The following HS2ST1 variants were observed in gnomAD, a reference collection of about 807,000 sequenced individuals.
The protein encoded by HS2ST1 is 2-O-sulfotransferase.
In HS2ST1, 18 loss-of-function variants were observed where a neutral mutation model predicts 42.9. The ratio of observed to expected loss-of-function variants is 0.42; its 90% CI spans 0.29 to 0.62. The LOEUF (loss-of-function observed/expected upper bound fraction) is 0.62, where lower values mean the gene tolerates loss of function less well. HS2ST1 is among the 20% of genes least tolerant of loss of function. HS2ST1 has a pLI of 0.21. For missense variants in HS2ST1, 334 were observed against 433.8 expected (o/e 0.77, Z 2.04); for synonymous variants, 146 against 152.9 (o/e 0.95, Z 0.33).
intron 3 of HS2ST1, among the ~76,000 whole-genome samples, chr1:87,087,691 C>T (rs960970859): frequency 6.6e-6 from 1 of 152,120 alleles, no homozygotes; most frequent in Non-Finnish European, 1.5e-5. Context: ...AACCAGTTGA[C>T]GTTTGCCCCA....
chr1:87,073,428 G>C (rs1315399200), intron 2 of HS2ST1, among the ~76,000 whole-genome samples: 1 of 152,140 alleles, frequency 6.6e-6, no homozygotes, highest in Non-Finnish European at 1.5e-5. Context: ...TGAGAAAACT[G>C]ATGTTCCTGA....
chr1:86,936,462 A>T (rs1420738884), intron 1 of HS2ST1, among the ~76,000 whole-genome samples: 2 of 152,178 alleles, frequency 1.3e-5, no homozygotes, highest in African/African-American at 4.8e-5. Flanking sequence ...AATATCTGAC[A>T]TTAAAATTAA....
intron 1 of HS2ST1, among the ~76,000 whole-genome samples, chr1:87,068,853 T>C (rs1253721987): frequency 6.6e-6 from 1 of 152,200 alleles, no homozygotes; most frequent in Non-Finnish European, 1.5e-5. Context: ...TTTTTTATTT[T>C]TTTATTTAAA....
At chr1:86,964,017 C>T (rs1432513759) in intron 1 of HS2ST1, among the ~76,000 whole-genome samples, 16 of 148,572 alleles carry the variant, frequency 1.1e-4, no homozygotes, top group East Asian at 1.0e-3. Context: ...CGGGCAGAGA[C>T]GCTCCTCACC....
At chr1:86,954,363 G>A (rs915717956) in intron 1 of HS2ST1, among the ~76,000 whole-genome samples, 6 of 152,178 alleles carry the variant, frequency 3.9e-5, no homozygotes, top group South Asian at 4.2e-4. Flanking sequence ...AAAAAAGGCA[G>A]TATCTGTGAA....
At chr1:86,953,969 G>A (rs897207596) in intron 1 of HS2ST1, among the ~76,000 whole-genome samples, 1 of 133,982 alleles carries the variant, frequency 7.5e-6, no homozygotes, top group Non-Finnish European at 1.5e-5. Context: ...TAAGTTCACT[G>A]TTTTATGTGG....
intron 1 of HS2ST1, among the ~76,000 whole-genome samples, chr1:87,040,203 T>A (rs1318499173): frequency 1.3e-5 from 2 of 152,132 alleles, no homozygotes; most frequent in East Asian, 3.9e-4. Flanking sequence ...TGTGGAAAAT[T>A]AGAAATAATA....
intron 1 of HS2ST1, among the ~76,000 whole-genome samples, chr1:86,947,867 A>C (rs560710231): frequency 6.6e-6 from 1 of 152,290 alleles, no homozygotes; most frequent in African/African-American, 2.4e-5. Flanking sequence ...GGGTTTGGAG[A>C]AGATGGTATA....
At chr1:86,967,923 G>T (rs969819943) in intron 1 of HS2ST1, among the ~76,000 whole-genome samples, 1 of 152,180 alleles carries the variant, frequency 6.6e-6, no homozygotes, top group Non-Finnish European at 1.5e-5. Context: ...CCAGCAGGGT[G>T]TAAGTTTCTG....
intron 2 of HS2ST1, among the ~76,000 whole-genome samples, chr1:87,077,175 C>T (rs901904591): frequency 9.9e-5 from 15 of 152,194 alleles, no homozygotes; most frequent in Non-Finnish European, 2.9e-5. Flanking sequence ...TGATGATTCT[C>T]AGTAGGGATA....
chr1:86,952,640 C>A (rs1197372597), intron 1 of HS2ST1, among the ~76,000 whole-genome samples: 2 of 152,170 alleles, frequency 1.3e-5, no homozygotes, highest in South Asian at 4.1e-4. Context: ...ATTGTATTCT[C>A]CATCAGAGTT....
At chr1:87,015,004 T>C (rs1041613558) in intron 1 of HS2ST1, among the ~76,000 whole-genome samples, 2 of 152,074 alleles carry the variant, frequency 1.3e-5, no homozygotes, top group Non-Finnish European at 2.9e-5. Flanking sequence ...AGGTTGACAG[T>C]AACATGCCTT....
intron 3 of HS2ST1, among the ~76,000 whole-genome samples, chr1:87,088,829 A>G (rs1304458312): frequency 3.9e-5 from 6 of 152,018 alleles, no homozygotes; most frequent in Non-Finnish European, 8.8e-5. Context: ...TTACACTATC[A>G]TCAGTGAGAC....
intron 5 of HS2ST1, among the ~76,000 whole-genome samples, chr1:87,101,615 C>T (rs534829837): frequency 6.6e-6 from 1 of 152,332 alleles, no homozygotes; most frequent in Non-Finnish European, 1.5e-5. Context: ...GCCTGGACTT[C>T]TGTCCATATT....
At chr1:87,078,370 T>G (rs903353714) in intron 2 of HS2ST1, among the ~76,000 whole-genome samples, 6 of 152,182 alleles carry the variant, frequency 3.9e-5, no homozygotes, top group Admixed American at 3.9e-4. Flanking sequence ...ACCTATATTG[T>G]TTGTGTTTTT....
At chr1:87,026,424 A>G (rs529918136) in intron 1 of HS2ST1, among the ~76,000 whole-genome samples, 19 of 152,332 alleles carry the variant, frequency 1.2e-4, no homozygotes, top group Admixed American at 1.2e-3. Flanking sequence ...AAGTTAAATA[A>G]ATGTTCGTAA....
chr1:86,923,035 G>T (rs114123454), intron 1 of HS2ST1, among the ~76,000 whole-genome samples: 1 of 152,166 alleles, frequency 6.6e-6, no homozygotes, highest in African/African-American at 2.4e-5. Context: ...GTGTGTGTGT[G>T]TGTTGTTTTA....
chr1:87,073,696 G>T (rs143078216), intron 2 of HS2ST1, among the ~76,000 whole-genome samples: 240 of 152,178 alleles, frequency 1.6e-3, no homozygotes, highest in African/African-American at 5.4e-3. Context: ...ATAAACAGAT[G>T]AATAAATAAT....
At chr1:87,058,692 A>G (rs1047021990) in intron 1 of HS2ST1, among the ~76,000 whole-genome samples, 2 of 151,654 alleles carry the variant, frequency 1.3e-5, no homozygotes, top group African/African-American at 4.9e-5. Context: ...CCTGTAATTC[A>G]TATCTCTGAG....
Sources: gnomAD v4.1 joint callset for allele counts (sites outside exome capture counted in the v4.1 genomes callset) on GRCh38, gnomAD v4.1.1 for gene constraint, MANE v1.5 for transcripts, NCBI Gene and HGNC (gene_info 2026-07-23, HGNC 2026-07-21) for gene names.